The following VWF variants were observed in gnomAD, a reference collection of about 807,000 sequenced individuals.
VWF encodes the protein Factor VIII related antigen.
Under a neutral mutation model 308.6 loss-of-function variants are expected in VWF, and 176 were observed. The observed-to-expected ratio is 0.57, with a 90% CI of 0.50 to 0.65. The LOEUF (loss-of-function observed/expected upper bound fraction) is 0.65. Ranked by LOEUF, VWF falls within the 30% of genes least tolerant of loss-of-function variation. The pLI, the probability that VWF is intolerant of heterozygous loss-of-function variation, is 0.00. For missense variants in VWF, 3,146 were observed against 3,648.2 expected (o/e 0.86, Z 3.55); for synonymous variants, 1,385 against 1,443.4 (o/e 0.96, Z 0.92).
chr12:5,955,383 C>A (rs12319598), intron 47 of VWF, among the ~76,000 whole-genome samples: 41,660 of 149,858 alleles, frequency 0.28, 8,253 homozygotes, highest in African/African-American at 0.56. Flanking sequence ...CCACCCCACA[C>A]CAGTCCCCAG....
intron 21 of VWF, among the ~76,000 whole-genome samples, chr12:6,031,102 T>TACACACACACAC (rs67042989): frequency 6.6e-6 from 1 of 151,054 alleles, no homozygotes; most frequent in African/African-American, 2.4e-5. Flanking sequence ...CATCACTTCA[T>TACACACACACAC]ACACACACAC....
intron 2 of VWF, 165 bp downstream of exon 2, chr12:6,122,977 A>C (rs530090718): frequency 5.9e-6 from 5 of 851,136 alleles, no homozygotes; most frequent in South Asian, 5.4e-5. Flanking sequence ...CTGGAATACA[A>C]GTCAAGGGTG....
At chr12:6,113,767 C>A (rs1337095169) in intron 3 of VWF, among the ~76,000 whole-genome samples, 1 of 152,224 alleles carries the variant, frequency 6.6e-6, no homozygotes, top group African/African-American at 2.4e-5. Flanking sequence ...AGTTTGCACC[C>A]TCTCCCTTCC....
chr12:6,046,849 C>G lies in VWF; in HGVS notation c.2187-32G>C. The G allele has an allele frequency of 3.1e-6, 5 of 1,597,808 alleles. No homozygotes were observed. The highest frequency in any genetic ancestry group is 4.3e-6 in the Non-Finnish European group (5 of 1,167,142). Reference sequence around the variant, plus strand: ...AGAAGAAAATCATAGCCGAGCTTCACGAGACTCGTCTATACTCGCTGCCTC... The same window carrying G: ...AGAAGAAAATCATAGCCGAGCTTCAGGAGACTCGTCTATACTCGCTGCCTC... On this transcript the variant is annotated intron_variant, in intron 16 of 51. Transcript: ENST00000261405. The surrounding 1 kb of genome is among the most constrained non-coding windows in gnomAD (Gnocchi z 5.0).
intron 13 of VWF, among the ~76,000 whole-genome samples, chr12:6,059,737 G>A (rs1347915859): frequency 6.6e-6 from 1 of 152,154 alleles, no homozygotes; most frequent in Non-Finnish European, 1.5e-5. Flanking sequence ...TATAAATTTG[G>A]GGAGGACACA....
chr12:5,997,906 G>GTA (rs1163816982), intron 34 of VWF, among the ~76,000 whole-genome samples: 1 of 152,074 alleles, frequency 6.6e-6, no homozygotes, highest in Non-Finnish European at 1.5e-5. Flanking sequence ...TAATACATTA[G>GTA]AGTTATATAA....
intron 20 of VWF, 42 bp from the exon 21 acceptor site, chr12:6,031,620 T>C (rs1378149999): frequency 1.2e-6 from 2 of 1,613,520 alleles, no homozygotes; most frequent in Non-Finnish European, 1.7e-6. Flanking sequence ...TTATCCCCAC[T>C]GGCTCTCACC....
chr12:5,991,784 C>A (rs1943746581), intron 38 of VWF, 35 bp downstream of exon 38: 2 of 1,608,808 alleles, frequency 1.2e-6, no homozygotes, highest in Non-Finnish European at 1.7e-6. Flanking sequence ...AAGAGGGAAG[C>A]AGCCCCATGG....
chr12:5,986,687 T>C (rs373427632), intron 38 of VWF, among the ~76,000 whole-genome samples: 4 of 152,200 alleles, frequency 2.6e-5, no homozygotes, highest in African/African-American at 7.2e-5. Context: ...CAATAAATGA[T>C]AGCAGCTAAC....
chr12:6,032,361 C>T (rs1270113648), intron 20 of VWF, among the ~76,000 whole-genome samples: 2 of 147,376 alleles, frequency 1.4e-5, no homozygotes, highest in Non-Finnish European at 3.0e-5. Context: ...AAAAAGAGGC[C>T]GGGCATGGTG....
chr12:6,095,271 GACTCAT>G, intron 6 of VWF, 183 bp downstream of exon 6: 1 of 836,586 alleles, frequency 1.2e-6, no homozygotes, highest in Non-Finnish European at 2.0e-6. Context: ...CATTAGCCCA[GACTCAT>G]TTTTAGAGCT....
chr12:6,088,469 A>G (rs185042656), intron 6 of VWF, among the ~76,000 whole-genome samples: 2,515 of 139,744 alleles, frequency 0.018, 70 homozygotes, highest in African/African-American at 0.062. Flanking sequence ...ACAGAGCGAG[A>G]CTCTGTCTAA....
intron 34 of VWF, among the ~76,000 whole-genome samples, chr12:5,999,605 A>G (rs1343855705): frequency 6.6e-6 from 1 of 152,168 alleles, no homozygotes; most frequent in Non-Finnish European, 1.5e-5. Context: ...AAGCAAGTCC[A>G]TAAAAGCTTC....
Position 6,071,336 on chromosome 12 carries a change from G to T in VWF, c.1117C>A (p.Arg373=). 6.2e-7 allele frequency: 1 copy of T among 1,614,122 alleles called. No homozygotes were observed. The highest frequency in any genetic ancestry group is 1.1e-5 in the South Asian group (1 of 91,040). Residue 373 remains arginine (R), a synonymous_variant, in exon 10 of 52, where the codon CGA becomes AGA. Coordinates refer to ENST00000261405, the MANE Select transcript of VWF (RefSeq NM_000552.5). Reference sequence around the variant, plus strand: ...TTGCTGCAGATCCACTGGCTGTTTCGGCAAATGCTGTTGGAGGGAAAAAGC... The same window carrying T: ...TTGCTGCAGATCCACTGGCTGTTTCTGCAAATGCTGTTGGAGGGAAAAAGC... ...LSRDCNTCIC[R]NSQWICSNEE... is the part of the protein sequence containing the mutation.
intron 43 of VWF, among the ~76,000 whole-genome samples, chr12:5,975,079 AG>A (rs1197549073): frequency 3.3e-5 from 5 of 152,356 alleles, no homozygotes; most frequent in Middle Eastern, 3.4e-3. Context: ...TGTTTCCCAC[AG>A]GAACACCTGG....
intron 38 of VWF, among the ~76,000 whole-genome samples, chr12:5,989,581 G>A (rs1457918831): frequency 2.0e-5 from 3 of 151,786 alleles, no homozygotes; most frequent in Non-Finnish European, 2.9e-5. Context: ...TTTATAAGAC[G>A]GTTTCTACAT....
In VWF at chr12:5,994,595, C is replaced by A; in HGVS notation, c.6076G>T (p.Gly2026Trp). The A allele has an allele frequency of 6.2e-7, 1 of 1,613,976 alleles. No homozygotes were observed. The highest frequency in any genetic ancestry group is 8.5e-7 in the Non-Finnish European group (1 of 1,179,854). The change falls in exon 36 of 52, where the codon GGG (glycine) becomes TGG (tryptophan). Residue 2026 changes from glycine (G) to tryptophan (W), a missense_variant. Transcript: ENST00000261405. ...LHSDMEVTVN[G>W]RLVSVPYVGG... ...ACGTAAGGAACAGAGACCAGTCTCC[C>A]ATTCACCGTCACCTGCACAAAGAAG...
At position 6,016,875 on chromosome 12, in the gene VWF, A is replaced by C; in HGVS notation, c.5054-5T>G. 6.2e-7 allele frequency: 1 copy of C among 1,613,830 alleles called. No homozygotes were observed. ...CGTCCAGGGGCTGGCTGCAGTCTGC[A>C]AAGACAACCAGGAAGGTGAGCACAC... On this transcript the variant is annotated splice_polypyrimidine_tract_variant and splice_region_variant and intron_variant, in intron 28 of 51. Coordinates refer to ENST00000261405, the MANE Select transcript of VWF (RefSeq NM_000552.5).
chr12:6,016,288 G>A, intron 30 of VWF, 56 bp from the exon 31 acceptor site: 16 of 1,612,542 alleles, frequency 9.9e-6, no homozygotes, highest in Non-Finnish European at 1.3e-5. Flanking sequence ...TCGACACCCT[G>A]TCTTAACGGT....
Sources: gnomAD v4.1 joint callset for allele counts (sites outside exome capture counted in the v4.1 genomes callset) on GRCh38, gnomAD v4.1.1 for gene constraint, Gnocchi (gnomAD v3.1) non-coding constraint, MANE v1.5 for transcripts, NCBI Gene and HGNC (gene_info 2026-07-23, HGNC 2026-07-21) for gene names.